The following DISC1 variants were observed in gnomAD, a reference collection of about 807,000 sequenced individuals.
The protein encoded by DISC1 is DISC1 scaffold protein.
DISC1 carries 57 observed loss-of-function variants against 84.5 expected under a neutral mutation model. That is an observed-to-expected ratio of 0.67 (90% CI 0.55 to 0.84). The LOEUF (loss-of-function observed/expected upper bound fraction) is 0.84, where lower values mean the gene tolerates loss of function less well. DISC1 is among the 40% of genes least tolerant of loss of function. The pLI, the probability that DISC1 is intolerant of heterozygous loss-of-function variation, is 0.00. For missense variants in DISC1, 1,000 were observed against 1,057.8 expected (o/e 0.95, Z 0.76); for synonymous variants, 411 against 415.2 (o/e 0.99, Z 0.12).
At chr1:231,910,425 G>A (rs564203051) in intron 9 of DISC1, among the ~76,000 whole-genome samples, 3 of 152,212 alleles carry the variant, frequency 2.0e-5, no homozygotes, top group East Asian at 3.9e-4. Flanking sequence ...CCTTCATTTC[G>A]TTATGTACTC....
At chr1:231,762,142 T>G (rs1474380248) in intron 4 of DISC1, among the ~76,000 whole-genome samples, 2 of 149,136 alleles carry the variant, frequency 1.3e-5, no homozygotes, top group Non-Finnish European at 3.0e-5. Context: ...TCTTTCTTTC[T>G]TTCCTTCTTT....
chr1:231,928,285 A>G (rs1168436185), intron 9 of DISC1, among the ~76,000 whole-genome samples: 2 of 152,242 alleles, frequency 1.3e-5, no homozygotes, highest in African/African-American at 4.8e-5. Flanking sequence ...GTTTCTCAAT[A>G]TAATGTTCTT....
chr1:231,723,838 G>A, intron 3 of DISC1: 1 of 985,354 alleles, frequency 1.0e-6, no homozygotes, highest in Non-Finnish European at 1.2e-6. Flanking sequence ...GTTGTGGGGT[G>A]GGCTACATCT....
intron 6 of DISC1, among the ~76,000 whole-genome samples, chr1:231,778,674 AAGG>A (rs2077147691): frequency 6.6e-6 from 1 of 152,200 alleles, no homozygotes; most frequent in Non-Finnish European, 1.5e-5. Flanking sequence ...TAATCTGGTA[AAGG>A]AGGAAGAGGA....
intron 1 of DISC1, among the ~76,000 whole-genome samples, chr1:231,627,766 C>T (rs1463270023): frequency 6.6e-6 from 1 of 152,206 alleles, no homozygotes; most frequent in Non-Finnish European, 1.5e-5. Context: ...GAGCCTCAGT[C>T]TCCTGAAATG....
intron 9 of DISC1, among the ~76,000 whole-genome samples, chr1:231,853,175 C>T (rs72760443): frequency 5.7e-4 from 87 of 152,214 alleles, no homozygotes; most frequent in Non-Finnish European, 1.1e-3. Flanking sequence ...GTATTTAGAC[C>T]TTAATAAACT....
intron 9 of DISC1, among the ~76,000 whole-genome samples, chr1:231,932,191 G>A (rs2090707902): frequency 6.6e-6 from 1 of 152,150 alleles, no homozygotes; most frequent in African/African-American, 2.4e-5. Flanking sequence ...CCTACCTAAT[G>A]ACAATGAGTC....
In DISC1 at chr1:232,039,776, G is replaced by A. The variant is rs201096400; in HGVS notation, c.*2945G>A. On this transcript the variant is annotated 3_prime_UTR_variant, in exon 13 of 13. Coordinates refer to ENST00000439617, the MANE Select transcript of DISC1 (RefSeq NM_018662.3). ...CAAAACAACAACAATGGAAATTTAT[G>A]TTGGCGATAGCCAAGACCACAAGCA... 25 of 152,108 alleles carry A rather than the reference G, an allele frequency of 1.6e-4. No individual in the cohort carries two copies. Among genetic ancestry groups the A allele is most frequent in the Non-Finnish European group, 2.5e-4 (17 of 68,038 alleles). The allele number at this position is 152,108 out of a possible 1,614,324, so 9.4% of individuals were successfully genotyped here. A position where few individuals can be genotyped will look rare whatever the true frequency, so the allele number is the denominator to read the frequency against.
intron 9 of DISC1, among the ~76,000 whole-genome samples, chr1:231,898,486 T>A (rs1456205142): frequency 1.3e-5 from 2 of 152,182 alleles, no homozygotes; most frequent in South Asian, 2.1e-4. Context: ...TGAACTTGAA[T>A]GGGATGACAA....
intron 1 of DISC1, among the ~76,000 whole-genome samples, chr1:231,659,646 C>T (rs1199040461): frequency 6.6e-6 from 1 of 152,084 alleles, no homozygotes; most frequent in Admixed American, 6.6e-5. Flanking sequence ...CACCACTTTA[C>T]CTGTGTCCCA....
In DISC1 at chr1:231,750,014, C is replaced by T; in HGVS notation, c.1206C>T (p.Ser402=). 1 of 1,614,232 alleles carries T rather than the reference C, an allele frequency of 6.2e-7. No individual in the cohort carries two copies. The highest frequency in any genetic ancestry group is 8.5e-7 in the Non-Finnish European group (1 of 1,180,034). Reference sequence around the variant, plus strand: ...TTCCTTCAAGGCAGCCAGCTCTTAGCAGTTTCCTGGGTCACCTGGCAGCAC... The same window carrying T: ...TTCCTTCAAGGCAGCCAGCTCTTAGTAGTTTCCTGGGTCACCTGGCAGCAC... ...FQLPSRQPAL[S]SFLGHLAAQV... is the part of the protein sequence containing the mutation. The change falls in exon 4 of 13, where the codon AGC becomes AGT. Residue 402 remains serine, a synonymous_variant. Coordinates refer to ENST00000439617, the MANE Select transcript of DISC1 (RefSeq NM_018662.3).
At position 231,630,861 on chromosome 1, in the gene DISC1, C is replaced by T. The variant is rs1428475126; in HGVS notation, c.67+3927C>T. Among the ~76,000 whole-genome samples the T allele has an allele frequency of 1.3e-5, 2 of 152,120 alleles. No individual in the cohort carries two copies. Among genetic ancestry groups the T allele is most frequent in the Non-Finnish European group, 2.9e-5 (2 of 68,034 alleles). On this transcript the variant is annotated intron_variant, in intron 1 of 12. Transcript: ENST00000439617. The surrounding 1 kb of genome is among the most constrained non-coding windows in gnomAD (Gnocchi z 4.4). ...TGCAATGAGCTTTCAAATGTTCACA[C>T]CAAGTAGAAGCAGGAAGGGAGAACT...
rs999345838 is a variant in DISC1, at chr1:231,954,419, G to T, written c.1982-4409G>T. Among the ~76,000 whole-genome samples, 1 of 152,094 alleles carries T rather than the reference G, an allele frequency of 6.6e-6. No individual in the cohort carries two copies. Among genetic ancestry groups the T allele is most frequent in the Non-Finnish European group, 1.5e-5 (1 of 67,992 alleles). On this transcript the variant is annotated intron_variant, in intron 9 of 12. Coordinates refer to ENST00000439617, the MANE Select transcript of DISC1 (RefSeq NM_018662.3). This position sits in a 1 kb window ranked among gnomAD's most constrained non-coding sequence, Gnocchi z 4.8. ...TGTTAATCCAAGTTTTTGTTTAATT[G>T]GATTCATCAAACTAATTGTATGAAT...
At chr1:231,943,126 C>T (rs904877616) in intron 9 of DISC1, among the ~76,000 whole-genome samples, 20 of 152,230 alleles carry the variant, frequency 1.3e-4, no homozygotes. Context: ...AGAGATAAAT[C>T]AGTCTAGTAA....
At chr1:231,641,241 GAGTGTT>G (rs1241990338) in intron 1 of DISC1, among the ~76,000 whole-genome samples, 1 of 152,232 alleles carries the variant, frequency 6.6e-6, no homozygotes, top group Non-Finnish European at 1.5e-5. Flanking sequence ...CCCTCGCGGT[GAGTGTT>G]ACAGTTCTTA....
At chr1:231,834,867 C>G (rs957582007) in intron 9 of DISC1, among the ~76,000 whole-genome samples, 2 of 152,218 alleles carry the variant, frequency 1.3e-5, no homozygotes, top group Admixed American at 1.3e-4. Flanking sequence ...AATAATCATG[C>G]AGACATCCCC....
At chr1:231,730,001 A>T (rs1360608009) in intron 3 of DISC1, among the ~76,000 whole-genome samples, 1 of 152,238 alleles carries the variant, frequency 6.6e-6, no homozygotes, top group Non-Finnish European at 1.5e-5. Context: ...CTATAAAAAA[A>T]CAATTATGTC....
intron 9 of DISC1, among the ~76,000 whole-genome samples, chr1:231,933,114 C>T (rs1222379638): frequency 6.6e-6 from 1 of 152,156 alleles, no homozygotes; most frequent in African/African-American, 2.4e-5. Flanking sequence ...CCCATTATTT[C>T]CTTGACTCCT....
At position 231,982,592 on chromosome 1, in the gene DISC1, T is replaced by C. The variant is rs950974158; in HGVS notation, c.2042+23704T>C. On this transcript the variant is annotated intron_variant, in intron 10 of 12. Transcript: ENST00000439617. ...GATAGTCATGGTGCTACAAAGAAAA[T>C]AAAATAGGCTTATGTGCTAGCTGGT... Among the ~76,000 whole-genome samples, 4 of 151,866 alleles carry C rather than the reference T, an allele frequency of 2.6e-5. No homozygotes were observed. In the East Asian group the frequency reaches 7.7e-4, roughly 29 times the overall value.
Sources: allele counts gnomAD v4.1 joint callset (sites outside exome capture counted in the v4.1 genomes callset), GRCh38; gene constraint gnomAD v4.1.1; non-coding constraint Gnocchi (gnomAD v3.1); transcripts MANE v1.5; gene names NCBI Gene and HGNC (gene_info 2026-07-23, HGNC 2026-07-21).